Variants in SPATA32 observed in about 807,000 individuals in gnomAD.
The protein encoded by SPATA32 is spermatogenesis associated 32.
In SPATA32, 28 loss-of-function variants were observed where a neutral mutation model predicts 35.4. The observed-to-expected ratio is 0.79, with a 90% CI of 0.59 to 1.09. SPATA32 has a LOEUF of 1.09. SPATA32 is among the 50% of genes least tolerant of loss of function. SPATA32 has a pLI of 0.00. For missense variants in SPATA32, 409 were observed against 475.9 expected (o/e 0.86, Z 1.31); for synonymous variants, 168 against 196.3 (o/e 0.86, Z 1.20).
Position 45,255,105 on chromosome 17 carries a change from CCTCA to C in SPATA32, c.1067+6_1067+9del. 6.2e-7 allele frequency: 1 copy of C among 1,613,414 alleles called. No homozygotes were observed. The highest frequency in any genetic ancestry group is 8.5e-7 in the Non-Finnish European group (1 of 1,179,498). ...CCCTCTATGGGAGCTGCGGGGCTGG[CCTCA>C]CTCACTCTTCCTTGCTTCCCTGCAG... On this transcript the variant is annotated splice_donor_region_variant and intron_variant, in intron 4 of 4. Coordinates refer to ENST00000331780, the MANE Select transcript of SPATA32 (RefSeq NM_152343.3). The surrounding 1 kb of genome is among the most constrained non-coding windows in gnomAD (Gnocchi z 5.4).
In SPATA32 at chr17:45,256,740, T is replaced by C. The variant is rs9889279; in HGVS notation, c.69-325A>G. 9.4e-3 allele frequency among the ~76,000 whole-genome samples: 1,436 copies of C among 152,182 alleles called. 21 individuals carry two copies. The highest frequency in any genetic ancestry group is 0.033 in the African/African-American group (1,351 of 41,502). On this transcript the variant is annotated intron_variant, in intron 2 of 4. Coordinates refer to ENST00000331780, the MANE Select transcript of SPATA32 (RefSeq NM_152343.3). The surrounding 1 kb of genome is among the most constrained non-coding windows in gnomAD (Gnocchi z 4.7). ...AGCACTGCAGGTGAGCTGGGGCAAC[T>C]CACTTCGAGGATTAGTGCCCAGAAC...
intron 1 of SPATA32, among the ~76,000 whole-genome samples, chr17:45,257,465 G>C (rs1018443491): frequency 6.6e-6 from 1 of 152,066 alleles, no homozygotes; most frequent in African/African-American, 2.4e-5. Context: ...AACCGTGACT[G>C]CTAACAGTAC....
chr17:45,255,367 G>C lies in SPATA32; in HGVS notation c.815C>G (p.Ala272Gly). 6.2e-7 allele frequency: 1 copy of C among 1,614,236 alleles called. No individual in the cohort carries two copies. Among genetic ancestry groups the C allele is most frequent in the Non-Finnish European group, 8.5e-7 (1 of 1,180,048 alleles). The change falls in exon 4 of 5, where the codon GCT becomes GGT. Residue 272 changes from alanine to glycine, a missense_variant. By Grantham distance (60) the Ala-to-Gly change is moderately conservative. Transcript: ENST00000331780. This position sits in a 1 kb window ranked among gnomAD's most constrained non-coding sequence, Gnocchi z 5.4. ...GAGGGGCTCTGTGGAAGGCTCCAGA[G>C]CCTCCTGGGGTGGAGCTTTCATCAT... ...EHMMKAPPQE[A>G]LEPSTEPLLT...
chr17:45,256,473 G>A lies in SPATA32; in HGVS notation c.69-58C>T, dbSNP rs2043959329. On this transcript the variant is annotated intron_variant, in intron 2 of 4. Transcript: ENST00000331780. The surrounding 1 kb of genome is among the most constrained non-coding windows in gnomAD (Gnocchi z 4.7). ...GATCTGTGGGGCTTCAGCGGGAAGG[G>A]GGTTTCTGGGGCCCTCAAAGCCCTC... 3.4e-6 allele frequency: 5 copies of A among 1,491,270 alleles called. No individual in the cohort carries two copies. In the South Asian group the frequency reaches 4.5e-5, roughly 13 times the overall value. The allele number at this position is 1,491,270 out of a possible 1,614,324, so 92.4% of individuals were successfully genotyped here.
Position 45,254,563 on chromosome 17 carries a change from G to A in SPATA32, c.1068-50C>T, listed in dbSNP as rs1219510181. 3.8e-6 allele frequency: 6 copies of A among 1,580,198 alleles called. No homozygotes were observed. The Middle Eastern group carries it at 7.3e-4, about 192-fold the overall frequency. On this transcript the variant is annotated intron_variant, in intron 4 of 4. Transcript: ENST00000331780. ...ACTTGGGCCCCAGAGGGTGGTTGAA[G>A]GAGAGGGGTGAGCCCAGAGGCCCCT... is the stretch of plus-strand genomic sequence containing the variant.
rs1373213543 is a variant in SPATA32, at chr17:45,256,237, G to T, written c.108+139C>A. On this transcript the variant is annotated intron_variant, in intron 3 of 4. Transcript: ENST00000331780. The surrounding 1 kb of genome is among the most constrained non-coding windows in gnomAD (Gnocchi z 4.7). The stretch of plus-strand genomic sequence containing the variant: ...TCCTCTCAGAGACCTGCCCGGTGAG[G>T]GGGTGTGTGTGTGGGTGTACCCACA... 8 of 1,202,532 alleles carry T rather than the reference G, an allele frequency of 6.7e-6. No homozygotes were observed. 74.5% of individuals were successfully genotyped at this position (1,202,532 alleles called of 1,614,324 possible). A position where few individuals can be genotyped will look rare whatever the true frequency, so the allele number is the denominator to read the frequency against.
In SPATA32 at chr17:45,262,042, C is replaced by T. The variant is rs1326594167; in HGVS notation, c.-26G>A. On this transcript the variant is annotated 5_prime_UTR_variant, in exon 1 of 5. Coordinates refer to ENST00000331780, the MANE Select transcript of SPATA32 (RefSeq NM_152343.3). ...GCAGACCGAGGCTCTGTCCTGGAGG[C>T]GGGGAGCGGGCTGGTGGATGCTGCC... 4 of 1,310,822 alleles carry T rather than the reference C, an allele frequency of 3.1e-6. No homozygotes were observed. The highest frequency in any genetic ancestry group is 3.9e-6 in the Non-Finnish European group (4 of 1,021,264). The allele number at this position is 1,310,822 out of a possible 1,614,324, so 81.2% of individuals were successfully genotyped here.
intron 1 of SPATA32, 41 bp downstream of exon 1, chr17:45,261,963 C>T (rs779962659): frequency 4.6e-6 from 6 of 1,311,090 alleles, no homozygotes; most frequent in African/African-American, 1.5e-5. Flanking sequence ...GCTTTCCCCG[C>T]CTGCCCCAAC....
At chr17:45,259,950 C>CA (rs1253708199) in intron 1 of SPATA32, 1 of 152,016 alleles carries the variant, frequency 6.6e-6, no homozygotes, top group Admixed American at 6.5e-5. Context: ...CATGCATATT[C>CA]ATGAGGGATA....
intron 1 of SPATA32, chr17:45,259,966 G>A (rs748721805): frequency 1.3e-5 from 2 of 152,094 alleles, no homozygotes; most frequent in Admixed American, 6.5e-5. Context: ...GGATATCGGT[G>A]TATAATTTTC....
At chr17:45,258,627 ATGAAATAAT>A (rs1376818892) in intron 1 of SPATA32, among the ~76,000 whole-genome samples, 7 of 152,176 alleles carry the variant, frequency 4.6e-5, no homozygotes, top group Admixed American at 4.6e-4. Context: ...TCTGCAGTAT[ATGAAATAAT>A]TGAAATAATT....
Position 45,254,448 on chromosome 17 carries a change from G to A in SPATA32, c.1133C>T (p.Ala378Val). ...TAGTCATTTCTCTGGGATTGTGGGG[G>A]CTGACAGCTTAAAATGGATTTTCAC... is the stretch of plus-strand genomic sequence containing the variant. ...LLVKIHFKLS[A>V]PTIPEK Residue 378 changes from alanine (A) to valine (V), a missense_variant, in exon 5 of 5, where the codon GCC becomes GTC. Coordinates refer to ENST00000331780, the MANE Select transcript of SPATA32 (RefSeq NM_152343.3). The A allele has an allele frequency of 6.2e-7, 1 of 1,614,150 alleles. No homozygotes were observed. The highest frequency in any genetic ancestry group is 8.5e-7 in the Non-Finnish European group (1 of 1,179,996).
intron 1 of SPATA32, 83 bp downstream of exon 1, chr17:45,261,921 G>A (rs1159584236): frequency 1.4e-5 from 18 of 1,255,702 alleles, no homozygotes; most frequent in Non-Finnish European, 1.2e-5. Context: ...ATTCCTGACC[G>A]CCCCCTTCGC....
At position 45,256,208 on chromosome 17, in the gene SPATA32, T is replaced by C; in HGVS notation, c.109-135A>G. ...TCCCCCCGCCCCCTAACCCCATGCCTGCCTCCTCTCAGAGACCTGCCCGGT... is the reference window on the plus strand; with the variant it reads ...TCCCCCCGCCCCCTAACCCCATGCCCGCCTCCTCTCAGAGACCTGCCCGGT... On this transcript the variant is annotated intron_variant, in intron 3 of 4. Coordinates refer to ENST00000331780, the MANE Select transcript of SPATA32 (RefSeq NM_152343.3). The surrounding 1 kb of genome is among the most constrained non-coding windows in gnomAD (Gnocchi z 4.7). 8.5e-7 allele frequency: 1 copy of C among 1,178,016 alleles called. No individual in the cohort carries two copies. The highest frequency in any genetic ancestry group is 1.2e-6 in the Non-Finnish European group (1 of 816,334). The allele number at this position is 1,178,016 out of a possible 1,614,324, so 73.0% of individuals were successfully genotyped here. A position where few individuals can be genotyped will look rare whatever the true frequency, so the allele number is the denominator to read the frequency against.
chr17:45,258,452 C>T (rs111677615), intron 1 of SPATA32, among the ~76,000 whole-genome samples: 433 of 152,238 alleles, frequency 2.8e-3, no homozygotes, highest in African/African-American at 9.4e-3. Context: ...ACACCCACAG[C>T]CTCAACCCCT....
rs1296550528 is a variant in SPATA32 at position 45,256,183 on chromosome 17, T to TC, written c.109-111dup. 5 of 1,349,312 alleles carry TC rather than the reference T, an allele frequency of 3.7e-6. No homozygotes were observed. The highest frequency in any genetic ancestry group is 1.3e-5 in the South Asian group (1 of 77,818). 83.6% of individuals were successfully genotyped at this position (1,349,312 alleles called of 1,614,324 possible). On this transcript the variant is annotated intron_variant, in intron 3 of 4. Transcript: ENST00000331780. The surrounding 1 kb of genome is among the most constrained non-coding windows in gnomAD (Gnocchi z 4.7). Reference sequence around the variant, plus strand: ...ACCCCTGCCCTGGGTCCTGCTGTCTTCCCCCCGCCCCCTAACCCCATGCCT... The same window carrying TC: ...ACCCCTGCCCTGGGTCCTGCTGTCTTCCCCCCCGCCCCCTAACCCCATGCCT...
Position 45,256,910 on chromosome 17 carries a change from C to T in SPATA32, c.68+243G>A, listed in dbSNP as rs138228327. Among the ~76,000 whole-genome samples, 833 of 152,322 alleles carry T rather than the reference C, an allele frequency of 5.5e-3. 11 individuals carry two copies. Among genetic ancestry groups the T allele is most frequent in the African/African-American group, 0.019 (809 of 41,562 alleles). ...TGAGGGGTCAGGTCCTATCCTGTCC[C>T]TGGGTGTGCCCCACCACCCCTCAGT... On this transcript the variant is annotated intron_variant, in intron 2 of 4. Coordinates refer to ENST00000331780, the MANE Select transcript of SPATA32 (RefSeq NM_152343.3). This position sits in a 1 kb window ranked among gnomAD's most constrained non-coding sequence, Gnocchi z 4.7.
At chr17:45,254,689 C>T (rs2043939048) in intron 4 of SPATA32, among the ~76,000 whole-genome samples, 176 bp from the exon 5 acceptor site, 1 of 152,148 alleles carries the variant, frequency 6.6e-6, no homozygotes, top group Non-Finnish European at 1.5e-5. Flanking sequence ...GCAAGGTGTA[C>T]TGGAGAGCCC....
intron 1 of SPATA32, chr17:45,260,084 C>T (rs1457956756): frequency 1.5e-5 from 2 of 136,486 alleles, no homozygotes; most frequent in Non-Finnish European, 3.1e-5. Context: ...GCCTGGGTGA[C>T]AGAGCAAGAC....
Sources: allele counts gnomAD v4.1 joint callset (sites outside exome capture counted in the v4.1 genomes callset), GRCh38; gene constraint gnomAD v4.1.1; non-coding constraint Gnocchi (gnomAD v3.1); transcripts MANE v1.5; gene names NCBI Gene and HGNC (gene_info 2026-07-23, HGNC 2026-07-21).